Variants in GAB2 observed in about 807,000 individuals in gnomAD.
GAB2 encodes GRB2 associated binding protein 2.
In GAB2, 26 loss-of-function variants were observed where a neutral mutation model predicts 65.5. That is an observed-to-expected ratio of 0.40 (90% CI 0.29 to 0.55). The LOEUF is 0.55. GAB2 is among the 20% of genes least tolerant of loss of function. GAB2 has a pLI of 0.53. For missense variants in GAB2, 884 were observed against 875.8 expected, an observed-to-expected ratio of 1.01 and a Z score of -0.12; for synonymous variants, 321 against 329.6, an observed-to-expected ratio of 0.97 and a Z score of 0.28.
chr11:78,357,825 G>C (rs185385420), intron 1 of GAB2, among the ~76,000 whole-genome samples: 2 of 152,174 alleles, frequency 1.3e-5, no homozygotes, highest in African/African-American at 4.8e-5. Context: ...GGAGAAATAG[G>C]AACACTTTTA....
At chr11:78,321,531 G>T (rs1450159236) in intron 1 of GAB2, among the ~76,000 whole-genome samples, 2 of 152,130 alleles carry the variant, frequency 1.3e-5, no homozygotes, top group African/African-American at 4.8e-5. Flanking sequence ...CGGAGAAATG[G>T]TTCCTGTAAT....
intron 2 of GAB2, among the ~76,000 whole-genome samples, chr11:78,265,792 T>A (rs1049185399): frequency 6.6e-6 from 1 of 152,220 alleles, no homozygotes; most frequent in Non-Finnish European, 1.5e-5. Flanking sequence ...ATGAGTAAGA[T>A]GAGAATGTTT....
chr11:78,264,901 TC>T (rs1865835555), intron 2 of GAB2, among the ~76,000 whole-genome samples: 1 of 152,160 alleles, frequency 6.6e-6, no homozygotes, highest in Non-Finnish European at 1.5e-5. Flanking sequence ...GGTAGACGTC[TC>T]CAAAGGGCTG....
In GAB2 at chr11:78,299,568, T is replaced by C. The variant is rs114140028; in HGVS notation, c.76-18667A>G. On this transcript the variant is annotated intron_variant, in intron 1 of 9. Transcript: ENST00000361507. ...CTGGTCATAAGCAAATACAGTATCA[T>C]GAAAAGCTACTTCCAAGGTACAGAA... 7.6e-3 allele frequency among the ~76,000 whole-genome samples: 1,157 copies of C among 152,290 alleles called. 12 individuals are homozygous for C. Among genetic ancestry groups the C allele is most frequent in the African/African-American group, 0.027 (1,108 of 41,554 alleles).
At chr11:78,289,289 C>T (rs992716615) in intron 1 of GAB2, among the ~76,000 whole-genome samples, 4 of 151,982 alleles carry the variant, frequency 2.6e-5, no homozygotes, top group Non-Finnish European at 5.9e-5. Context: ...GAAATGGTGC[C>T]AAAGCAATCA....
rs1855989126 is a variant in GAB2 at position 78,335,895 on chromosome 11, T to A, written c.76-54994A>T. On this transcript the variant is annotated intron_variant, in intron 1 of 9. Transcript: ENST00000361507. ...AATATCTTTCCATTTTCTGGTGCCT[T>A]CTTTAGTTTTTTTCATCAGTGTCTT... 1.3e-5 allele frequency among the ~76,000 whole-genome samples: 2 copies of A among 152,174 alleles called. 1 individual carries two copies. The highest frequency in any genetic ancestry group is 4.1e-4 in the South Asian group (2 of 4,830).
intron 1 of GAB2, among the ~76,000 whole-genome samples, chr11:78,393,366 C>T (rs146426804): frequency 5.5e-4 from 84 of 152,292 alleles, no homozygotes; most frequent in African/African-American, 2.0e-3. Context: ...TATCAAAAAG[C>T]ACCTTGCATT....
chr11:78,268,791 A>G (rs1865935313), intron 2 of GAB2, among the ~76,000 whole-genome samples: 1 of 151,594 alleles, frequency 6.6e-6, no homozygotes, highest in Non-Finnish European at 1.5e-5. Context: ...CGAAGAGAAT[A>G]GGGTCAGGTT....
Position 78,222,118 on chromosome 11 carries a change from A to G in GAB2, c.1645T>C (p.Trp549Arg). ...ATACGCACTTACTTGGCCCTAGACC[A>G]AGACTTGGTGATAGGTGACTTGAAG... ...LPFKSPITKS[W>R]SRANHTFNSS... is the part of the protein sequence containing the mutation. Residue 549 changes from tryptophan (W) to arginine (R), a missense_variant, in exon 7 of 10, where the codon TGG (tryptophan) becomes CGG (arginine). Physicochemically the swap from Trp to Arg is moderately radical, Grantham distance 101 (BLOSUM62 -3). Coordinates refer to ENST00000361507, the MANE Select transcript of GAB2 (RefSeq NM_080491.3). The G allele has an allele frequency of 6.2e-7, 1 of 1,612,106 alleles. No individual in the cohort carries two copies. Among genetic ancestry groups the G allele is most frequent in the Non-Finnish European group, 8.5e-7 (1 of 1,178,182 alleles).
intron 1 of GAB2, among the ~76,000 whole-genome samples, chr11:78,344,576 A>G (rs1444414445): frequency 6.6e-6 from 1 of 152,238 alleles, no homozygotes; most frequent in Non-Finnish European, 1.5e-5. Context: ...TATGCTGTGA[A>G]TATTTACATG....
chr11:78,259,105 A>G (rs1337666128), intron 2 of GAB2, among the ~76,000 whole-genome samples: 1 of 152,084 alleles, frequency 6.6e-6, no homozygotes, highest in Non-Finnish European at 1.5e-5. Flanking sequence ...GCTCCCACTT[A>G]TAAGTGAGAA....
chr11:78,309,971 T>TGTGTGTGTGTGCGCGCGCGCGC (rs1421836447), intron 1 of GAB2, among the ~76,000 whole-genome samples: 1 of 120,088 alleles, frequency 8.3e-6, no homozygotes. Context: ...TGTGTGTGTG[T>TGTGTGTGTGTGCGCGCGCGCGC]GCGCGCGCGC....
intron 2 of GAB2, among the ~76,000 whole-genome samples, chr11:78,267,119 C>A (rs1395742872): frequency 6.6e-6 from 1 of 152,204 alleles, no homozygotes; most frequent in African/African-American, 2.4e-5. Context: ...AGGACAGGGT[C>A]CACTCCTGGG....
chr11:78,328,178 T>G (rs1855857074), intron 1 of GAB2, among the ~76,000 whole-genome samples: 1 of 152,176 alleles, frequency 6.6e-6, no homozygotes, highest in Non-Finnish European at 1.5e-5. Context: ...CTAGGCACTC[T>G]CGGGTCCACA....
chr11:78,308,213 G>C (rs7925752), intron 1 of GAB2, among the ~76,000 whole-genome samples: 7,341 of 152,142 alleles, frequency 0.048, 583 homozygotes, highest in African/African-American at 0.17. Flanking sequence ...TGAGGAGGGA[G>C]TCAAAAATAC....
chr11:78,222,494 T>A lies in GAB2; in HGVS notation c.1568-299A>T, dbSNP rs578205170. On this transcript the variant is annotated intron_variant, in intron 6 of 9. Coordinates refer to ENST00000361507, the MANE Select transcript of GAB2 (RefSeq NM_080491.3). Reference sequence around the variant, plus strand: ...GATTTTTCTCCCTCAATTTATGACTTCATTTAAAAATAAAAGACTATATAT... The same window carrying A: ...GATTTTTCTCCCTCAATTTATGACTACATTTAAAAATAAAAGACTATATAT... Among the ~76,000 whole-genome samples the A allele has an allele frequency of 6.7e-5, 10 of 149,812 alleles. No homozygotes were observed. In the South Asian group the frequency reaches 1.7e-3, roughly 25 times the overall value.
At chr11:78,336,480 G>GTTTT (rs59349951) in intron 1 of GAB2, among the ~76,000 whole-genome samples, 2 of 127,630 alleles carry the variant, frequency 1.6e-5, no homozygotes, top group Non-Finnish European at 3.3e-5. Flanking sequence ...AATAGTTGTT[G>GTTTT]TTTTTTTTTT....
intron 3 of GAB2, among the ~76,000 whole-genome samples, chr11:78,239,655 A>G (rs1278955058): frequency 1.3e-5 from 2 of 152,056 alleles, no homozygotes; most frequent in East Asian, 3.9e-4. Context: ...GGCCTTCACC[A>G]CTCCATGCAA....
chr11:78,220,329 G>A lies in GAB2; in HGVS notation c.1877C>T (p.Pro626Leu), dbSNP rs2134451916. 6.2e-7 allele frequency: 1 copy of A among 1,612,496 alleles called. No individual in the cohort carries two copies. Among genetic ancestry groups the A allele is most frequent in the Non-Finnish European group, 8.5e-7 (1 of 1,179,686 alleles). ...ALDFQPSSPS[P>L]HRKPSTSSVT... ...CTCTACTCCAGGCACCTTGCGGTGG[G>A]GGCTTGGGGAGCTCGGCTGGAAGTC... Residue 626 changes from proline (P) to leucine (L), a missense_variant, in exon 9 of 10, where the codon CCC becomes CTC. Coordinates refer to ENST00000361507, the MANE Select transcript of GAB2 (RefSeq NM_080491.3).
Sources: gnomAD v4.1 joint callset for allele counts (sites outside exome capture counted in the v4.1 genomes callset) on GRCh38, gnomAD v4.1.1 for gene constraint, MANE v1.5 for transcripts, NCBI Gene and HGNC (gene_info 2026-07-23, HGNC 2026-07-21) for gene names.